The following USP15 variants were observed in gnomAD, a reference collection of about 807,000 sequenced individuals.
USP15 encodes ubiquitin carboxyl-terminal hydrolase 15.
In USP15, 18 loss-of-function variants were observed where a neutral mutation model predicts 127.1. The ratio of observed to expected loss-of-function variants is 0.14; its 90% CI spans 0.10 to 0.21. USP15 has a LOEUF of 0.21. USP15 is among the 10% of genes least tolerant of loss of function. USP15 has a pLI of 1.00. For synonymous variants in USP15, 364 were observed against 393.7 expected, an observed-to-expected ratio of 0.92 and a Z score of 0.89; for missense variants, 805 against 1,159.9, an observed-to-expected ratio of 0.69 and a Z score of 4.44.
intron 3 of USP15, chr12:62,303,504 T>TA (rs1289672034): frequency 1.3e-5 from 2 of 152,106 alleles, no homozygotes; most frequent in Non-Finnish European, 2.9e-5. Flanking sequence ...GAGTGAACCT[T>TA]ACACATGTAT....
chr12:62,354,844 A>C (rs887521356), intron 7 of USP15, among the ~76,000 whole-genome samples: 11 of 151,964 alleles, frequency 7.2e-5, no homozygotes, highest in Non-Finnish European at 1.5e-5. Context: ...TCTTCAGTGC[A>C]TCATAACAGT....
intron 6 of USP15, among the ~76,000 whole-genome samples, chr12:62,339,376 C>G (rs1289556475): frequency 6.6e-6 from 1 of 152,102 alleles, no homozygotes; most frequent in Admixed American, 6.6e-5. Context: ...TTTAAATACT[C>G]TTTATTTCTT....
At chr12:62,313,068 ATATCT>A (rs1371149813) in intron 3 of USP15, among the ~76,000 whole-genome samples, 1 of 151,630 alleles carries the variant, frequency 6.6e-6, no homozygotes, top group East Asian at 1.9e-4. Context: ...AGTAAAATAA[ATATCT>A]TATAAATATA....
intron 14 of USP15, 149 bp from the exon 15 acceptor site, chr12:62,390,715 T>C (rs1287195990): frequency 1.2e-5 from 6 of 512,112 alleles, no homozygotes; most frequent in Admixed American, 3.6e-5. Flanking sequence ...GTTATACTTA[T>C]GGTACTAAAA....
At chr12:62,396,151 G>T (rs1327550239) in intron 19 of USP15, 144 bp from the exon 20 acceptor site, 5 of 344,768 alleles carry the variant, frequency 1.5e-5, no homozygotes, top group Non-Finnish European at 2.5e-5. Context: ...TTTCCTTAGT[G>T]AGATATATAT....
intron 8 of USP15, among the ~76,000 whole-genome samples, chr12:62,368,349 A>T (rs2066548358): frequency 6.6e-6 from 1 of 152,184 alleles, no homozygotes. Flanking sequence ...GCTGAGTTCA[A>T]GTCCCGAATA....
rs1486591243 is a variant in USP15, at chr12:62,406,624, C to G, written c.*2249C>G. 6.6e-6 allele frequency: 1 copy of G among 152,120 alleles called. No individual in the cohort carries two copies. The highest frequency in any genetic ancestry group is 1.5e-5 in the Non-Finnish European group (1 of 68,020). 9.4% of individuals were successfully genotyped at this position (152,120 alleles called of 1,614,324 possible). On this transcript the variant is annotated 3_prime_UTR_variant, in exon 22 of 22. Transcript: ENST00000280377. The stretch of plus-strand genomic sequence containing the variant: ...TCATTTTTCAGCTGCAAGAAGTATA[C>G]TTTAAAAATAGTGCAAAAGGATAAT...
chr12:62,260,685 AG>A (rs1229743074), intron 1 of USP15, among the ~76,000 whole-genome samples, 182 bp downstream of exon 1: 1 of 152,128 alleles, frequency 6.6e-6, no homozygotes, highest in Non-Finnish European at 1.5e-5. Context: ...GATGAGGGTC[AG>A]GGTTCTTGGC....
chr12:62,311,378 AG>A (rs772307441), intron 3 of USP15, among the ~76,000 whole-genome samples: 14 of 151,780 alleles, frequency 9.2e-5, no homozygotes, highest in Non-Finnish European at 1.6e-4. Context: ...TTTTCTGTAA[AG>A]GGCCAGATAG....
chr12:62,410,477 T>A lies in USP15; in HGVS notation c.*6102T>A, dbSNP rs1020147409. On this transcript the variant is annotated 3_prime_UTR_variant, in exon 22 of 22. Transcript: ENST00000280377. ...TTAAATAGTGACTTTGGTAAAGCTT[T>A]TTAATTTCTAGAACTCAGAGCTATA... is the stretch of plus-strand genomic sequence containing the variant. 3 of 152,176 alleles carry A rather than the reference T, an allele frequency of 2.0e-5. No individual in the cohort carries two copies. Among genetic ancestry groups the A allele is most frequent in the Non-Finnish European group, 4.4e-5 (3 of 68,018 alleles). The allele number at this position is 152,176 out of a possible 1,614,324, so 9.4% of individuals were successfully genotyped here. A position where few individuals can be genotyped will look rare whatever the true frequency, so the allele number is the denominator to read the frequency against.
At chr12:62,383,475 T>C (rs2067050850) in intron 9 of USP15, among the ~76,000 whole-genome samples, 1 of 151,948 alleles carries the variant, frequency 6.6e-6, no homozygotes, top group Middle Eastern at 3.2e-3. Context: ...CTGGCATGTT[T>C]GTACTTCATT....
intron 1 of USP15, among the ~76,000 whole-genome samples, chr12:62,261,496 T>G (rs541894349): frequency 3.3e-5 from 5 of 152,314 alleles, no homozygotes; most frequent in Non-Finnish European, 1.5e-5. Context: ...AGTGTTTCAG[T>G]ATGGCATAGT....
chr12:62,382,906 A>C (rs1315316487), intron 9 of USP15, among the ~76,000 whole-genome samples: 1 of 151,888 alleles, frequency 6.6e-6, no homozygotes, highest in Non-Finnish European at 1.5e-5. Context: ...CATTTATAGG[A>C]GGAGGCAATA....
intron 4 of USP15, among the ~76,000 whole-genome samples, chr12:62,316,173 C>A (rs1261099162): frequency 1.3e-5 from 2 of 151,314 alleles, no homozygotes; most frequent in East Asian, 3.9e-4. Flanking sequence ...GTAGTCCCAG[C>A]TACTTGGGAG....
chr12:62,316,981 A>C (rs921548156), intron 4 of USP15, among the ~76,000 whole-genome samples: 3 of 152,090 alleles, frequency 2.0e-5, no homozygotes, highest in Non-Finnish European at 4.4e-5. Flanking sequence ...CATAGCTATA[A>C]TTTTTTACTG....
chr12:62,387,682 A>G (rs2067196054), intron 11 of USP15, among the ~76,000 whole-genome samples: 1 of 152,184 alleles, frequency 6.6e-6, no homozygotes, highest in South Asian at 2.1e-4. Context: ...GTTGAGAAGT[A>G]AATGGGAGAT....
rs2068025117 is a variant in USP15, at chr12:62,410,922, AC to A, written c.*6548del. The A allele has an allele frequency of 6.6e-6, 1 of 151,900 alleles. No individual in the cohort carries two copies. The highest frequency in any genetic ancestry group is 2.1e-4 in the South Asian group (1 of 4,818). The allele number at this position is 151,900 out of a possible 1,614,324, so 9.4% of individuals were successfully genotyped here. ...AACAGAAGTCTTAGTATGATGGTAA[AC>A]TTGAAAATTAAAATTTTATCAGGGA... On this transcript the variant is annotated 3_prime_UTR_variant, in exon 22 of 22. Coordinates refer to ENST00000280377, the MANE Select transcript of USP15 (RefSeq NM_001252078.2).
At chr12:62,329,154 G>C (rs575667486) in intron 6 of USP15, among the ~76,000 whole-genome samples, 117 of 152,220 alleles carry the variant, frequency 7.7e-4, no homozygotes, top group Middle Eastern at 3.4e-3. Context: ...CCAGCACTTT[G>C]AGTGGTCAGG....
intron 1 of USP15, among the ~76,000 whole-genome samples, chr12:62,281,866 C>T (rs7976058): frequency 0.31 from 46,412 of 151,938 alleles, 7,299 homozygotes; most frequent in African/African-American, 0.37. Flanking sequence ...AGACAGTTGA[C>T]ATAGAAATGT....
Sources: allele counts gnomAD v4.1 joint callset (sites outside exome capture counted in the v4.1 genomes callset), GRCh38; gene constraint gnomAD v4.1.1; transcripts MANE v1.5; gene names NCBI Gene and HGNC (gene_info 2026-07-23, HGNC 2026-07-21).